The following MACROD2 variants were observed in gnomAD, a reference collection of about 807,000 sequenced individuals.
The protein encoded by MACROD2 is ADP-ribose glycohydrolase MACROD2.
In MACROD2, 36 loss-of-function variants were observed where a neutral mutation model predicts 70.4. The ratio of observed to expected loss-of-function variants is 0.51; its 90% CI spans 0.39 to 0.68. The LOEUF (loss-of-function observed/expected upper bound fraction) is 0.68, where lower values mean the gene tolerates loss of function less well. Ranked by LOEUF, MACROD2 falls within the 30% of genes least tolerant of loss-of-function variation. The pLI is 0.00. For missense variants in MACROD2, 496 were observed against 538.4 expected, an observed-to-expected ratio of 0.92 and a Z score of 0.78; for synonymous variants, 172 against 178.8, an observed-to-expected ratio of 0.96 and a Z score of 0.30.
intron 2 of MACROD2, among the ~76,000 whole-genome samples, chr20:14,035,140 T>G (rs1185856556): frequency 1.3e-5 from 2 of 152,166 alleles, no homozygotes; most frequent in Admixed American, 6.5e-5. Flanking sequence ...CTCTTGGACT[T>G]TATAGGTAGA....
At chr20:15,283,628 C>T (rs150905895) in intron 6 of MACROD2, among the ~76,000 whole-genome samples, 162 of 152,004 alleles carry the variant, frequency 1.1e-3, no homozygotes, top group African/African-American at 3.5e-3. Flanking sequence ...GCCGAGTTCA[C>T]GCCATTGCAC....
At chr20:15,823,208 C>T (rs2063958287) in intron 8 of MACROD2, among the ~76,000 whole-genome samples, 1 of 151,840 alleles carries the variant, frequency 6.6e-6, no homozygotes, top group Non-Finnish European at 1.5e-5. Flanking sequence ...TTAAAATCTG[C>T]ACTTTTCAAA....
intron 3 of MACROD2, among the ~76,000 whole-genome samples, chr20:14,280,450 A>T (rs1488802134): frequency 1.3e-5 from 2 of 152,192 alleles, no homozygotes; most frequent in African/African-American, 2.4e-5. Flanking sequence ...AATAAAAAGA[A>T]CATTCTGTGA....
chr20:14,341,827 TG>T (rs1251613793), intron 3 of MACROD2, among the ~76,000 whole-genome samples: 1 of 152,176 alleles, frequency 6.6e-6, no homozygotes, highest in Non-Finnish European at 1.5e-5. Flanking sequence ...AGGTAAAGCT[TG>T]ATACATGGCT....
rs186420445 is a variant in MACROD2, at chr20:14,531,264, G to A, written c.301+37756G>A. 6.7e-3 allele frequency among the ~76,000 whole-genome samples: 1,023 copies of A among 152,252 alleles called. 11 individuals are homozygous for A. Among genetic ancestry groups the A allele is most frequent in the Admixed American group, 0.012 (188 of 15,290 alleles). ...CTGCGGATACAATTAAGGATCTCAA[G>A]AGGAAATAATCCTGGATTCAGGGTG... On this transcript the variant is annotated intron_variant, in intron 4 of 17. Transcript: ENST00000684519.
chr20:16,039,680 C>T (rs905454507), intron 15 of MACROD2, among the ~76,000 whole-genome samples: 3 of 151,882 alleles, frequency 2.0e-5, no homozygotes, highest in African/African-American at 4.8e-5. Context: ...ATTGTGTGTT[C>T]AAGGAGTATG....
intron 4 of MACROD2, among the ~76,000 whole-genome samples, chr20:14,565,348 TA>T (rs34426261): frequency 8.7e-5 from 13 of 149,774 alleles, no homozygotes; most frequent in East Asian, 2.0e-4. Context: ...TATAAAAATG[TA>T]AAAAAAAAAA....
At chr20:14,137,003 CAT>C (rs1216904303) in intron 3 of MACROD2, among the ~76,000 whole-genome samples, 3 of 152,126 alleles carry the variant, frequency 2.0e-5, no homozygotes, top group Non-Finnish European at 4.4e-5. Flanking sequence ...GCACTTGAAA[CAT>C]AGCTATTATG....
intron 8 of MACROD2, among the ~76,000 whole-genome samples, chr20:15,529,908 G>C (rs2047774366): frequency 6.6e-6 from 1 of 152,200 alleles, no homozygotes; most frequent in African/African-American, 2.4e-5. Context: ...TGTGTATTCA[G>C]AGAGGTGACA....
intron 3 of MACROD2, among the ~76,000 whole-genome samples, chr20:14,460,084 C>T (rs2084350783): frequency 6.6e-6 from 1 of 152,072 alleles, no homozygotes; most frequent in African/African-American, 2.4e-5. Context: ...CACAGTGTTC[C>T]ATGGTGTATA....
At chr20:14,461,703 T>C (rs140896833) in intron 3 of MACROD2, among the ~76,000 whole-genome samples, 2,116 of 151,064 alleles carry the variant, frequency 0.014, 22 homozygotes, top group South Asian at 0.021. Context: ...CCCCTTCGTG[T>C]GTCCATGTGT....
At chr20:14,463,156 C>T (rs558231324) in intron 3 of MACROD2, among the ~76,000 whole-genome samples, 25 of 152,168 alleles carry the variant, frequency 1.6e-4, no homozygotes, top group African/African-American at 6.0e-4. Context: ...ATTGATTCTT[C>T]CTACCCATGA....
intron 6 of MACROD2, among the ~76,000 whole-genome samples, chr20:15,326,382 CA>C (rs1179809780): frequency 6.6e-6 from 1 of 151,998 alleles, no homozygotes; most frequent in African/African-American, 2.4e-5. Context: ...TAAAGCATTA[CA>C]TTTTTTTACC....
At chr20:14,247,174 CA>C (rs2081974445) in intron 3 of MACROD2, among the ~76,000 whole-genome samples, 1 of 151,970 alleles carries the variant, frequency 6.6e-6, no homozygotes, top group Non-Finnish European at 1.5e-5. Context: ...AAATTATTAA[CA>C]ATAGAGAAGC....
At chr20:14,318,554 G>T (rs905028885) in intron 3 of MACROD2, among the ~76,000 whole-genome samples, 1 of 152,216 alleles carries the variant, frequency 6.6e-6, no homozygotes, top group Non-Finnish European at 1.5e-5. Context: ...TACTTCTTCA[G>T]TGTGTATTTT....
At chr20:15,392,247 G>A (rs915578797) in intron 6 of MACROD2, among the ~76,000 whole-genome samples, 3 of 152,054 alleles carry the variant, frequency 2.0e-5, no homozygotes, top group Non-Finnish European at 4.4e-5. Flanking sequence ...CCTTATTCTT[G>A]CCAGTATGGT....
At chr20:14,677,135 G>A (rs2070871521) in intron 4 of MACROD2, among the ~76,000 whole-genome samples, 1 of 151,966 alleles carries the variant, frequency 6.6e-6, no homozygotes, top group Non-Finnish European at 1.5e-5. Flanking sequence ...ATAAAATGAT[G>A]AGCTTTACCT....
chr20:15,623,321 A>G (rs544007519), intron 8 of MACROD2, among the ~76,000 whole-genome samples: 3 of 152,380 alleles, frequency 2.0e-5, no homozygotes, highest in Non-Finnish European at 4.4e-5. Flanking sequence ...TCCACCAAGT[A>G]TGTCCAATTT....
chr20:15,458,596 T>C (rs2046762207), intron 7 of MACROD2, among the ~76,000 whole-genome samples: 1 of 149,880 alleles, frequency 6.7e-6, no homozygotes, highest in Admixed American at 6.7e-5. Flanking sequence ...TTGGGACAGA[T>C]AAAGGCAATG....
Sources: gnomAD v4.1 joint callset for allele counts (sites outside exome capture counted in the v4.1 genomes callset) on GRCh38, gnomAD v4.1.1 for gene constraint, MANE v1.5 for transcripts, NCBI Gene and HGNC (gene_info 2026-07-23, HGNC 2026-07-21) for gene names.